MPRIP: variants seen among roughly 807,000 people sequenced by gnomAD.
MPRIP encodes the protein myosin phosphatase Rho-interacting protein.
Under a neutral mutation model 234.9 loss-of-function variants are expected in MPRIP, and 59 were observed. That is an observed-to-expected ratio of 0.25 (90% CI 0.20 to 0.31). The LOEUF (loss-of-function observed/expected upper bound fraction) is 0.31. Ranked by LOEUF, MPRIP falls within the 10% of genes least tolerant of loss-of-function variation. The probability of loss-of-function intolerance (pLI) is 1.00; values close to 1 mark genes in which losing one functional copy is unlikely to be tolerated. For missense variants in MPRIP, 2,436 were observed against 3,071.0 expected, an observed-to-expected ratio of 0.79 and a Z score of 4.89; for synonymous variants, 1,144 against 1,263.9, an observed-to-expected ratio of 0.91 and a Z score of 2.01.
Position 17,164,536 on chromosome 17 carries a change from T to C in MPRIP, c.2945T>C (p.Leu982Pro). ...ELRGLETQQA[L>P]QRDRQKEVQR... ...CGGGGCCTGGAGACACAGCAGGCGCTGCAGCGGGACCGGCAGAAGGAGGTC... is the reference window on the plus strand; with the variant it reads ...CGGGGCCTGGAGACACAGCAGGCGCCGCAGCGGGACCGGCAGAAGGAGGTC... The change falls in exon 16 of 24, where the codon CTG becomes CCG. Residue 982 changes from leucine (L) to proline (P), a missense_variant. By Grantham distance (98) the Leu-to-Pro change is moderately conservative. Transcript: ENST00000651222. 1.7e-6 allele frequency: 2 copies of C among 1,209,014 alleles called. No individual in the cohort carries two copies. Among genetic ancestry groups the C allele is most frequent in the Non-Finnish European group, 2.1e-6 (2 of 947,112 alleles). The allele number at this position is 1,209,014 out of a possible 1,614,324, so 74.9% of individuals were successfully genotyped here.
chr17:17,150,919 C>G (rs1261656306), intron 12 of MPRIP, among the ~76,000 whole-genome samples: 1 of 151,952 alleles, frequency 6.6e-6, no homozygotes, highest in Non-Finnish European at 1.5e-5. Context: ...AATCATGGCT[C>G]ACTGCAGGCT....
chr17:17,141,035 C>T (rs1397385563), intron 7 of MPRIP, among the ~76,000 whole-genome samples: 2 of 152,276 alleles, frequency 1.3e-5, no homozygotes, highest in East Asian at 3.9e-4. Flanking sequence ...CAGGATCTCC[C>T]CAGGCCCCCA....
chr17:17,185,544 T>G lies in MPRIP; in HGVS notation c.*650T>G. On this transcript the variant is annotated 3_prime_UTR_variant, in exon 24 of 24. Transcript: ENST00000651222. ...CATTCCTATTTTTGTTTGTTTTTTA[T>G]TAAATCTTGCACAAAATCCCCGGCC... The G allele has an allele frequency of 6.6e-6, 3 of 457,108 alleles. No homozygotes were observed. The highest frequency in any genetic ancestry group is 1.3e-5 in the Non-Finnish European group (3 of 227,108). The allele number at this position is 457,108 out of a possible 1,614,324, so 28.3% of individuals were successfully genotyped here.
At chr17:17,125,721 A>T (rs749320914) in intron 3 of MPRIP, among the ~76,000 whole-genome samples, 12 of 152,238 alleles carry the variant, frequency 7.9e-5, no homozygotes, top group Non-Finnish European at 1.5e-4. Flanking sequence ...TTGAGGCTGG[A>T]TGGCCTCTGG....
rs1567700021 is a variant in MPRIP at position 17,078,790 on chromosome 17, TTAATC to T, written c.267+718_267+722del. Among the ~76,000 whole-genome samples, 1 of 152,218 alleles carries T rather than the reference TTAATC, an allele frequency of 6.6e-6. No individual in the cohort carries two copies. Among genetic ancestry groups the T allele is most frequent in the Non-Finnish European group, 1.5e-5 (1 of 68,034 alleles). On this transcript the variant is annotated intron_variant, in intron 3 of 23. Coordinates refer to ENST00000651222, the MANE Select transcript of MPRIP (RefSeq NM_001364716.4). This position sits in a 1 kb window ranked among gnomAD's most constrained non-coding sequence, Gnocchi z 4.3. ...TCTAAAGGAGATTAGTCTCTCCTAA[TTAATC>T]TAAAGTAGGACTGCATTCCAAACTT...
chr17:17,070,061 A>G (rs1469028622), intron 1 of MPRIP, among the ~76,000 whole-genome samples: 1 of 152,192 alleles, frequency 6.6e-6, no homozygotes, highest in Admixed American at 6.5e-5. Flanking sequence ...TCAGCACCAG[A>G]AAAGTAGTGT....
intron 3 of MPRIP, among the ~76,000 whole-genome samples, chr17:17,124,539 G>A (rs1043411204): frequency 1.3e-5 from 2 of 152,194 alleles, no homozygotes; most frequent in African/African-American, 4.8e-5. Flanking sequence ...GACCAGAGAG[G>A]AAGGGCCACC....
chr17:17,166,119 A>C lies in MPRIP; in HGVS notation c.4528A>C (p.Ser1510Arg), dbSNP rs1188597096. 50 of 1,299,296 alleles carry C rather than the reference A, an allele frequency of 3.8e-5. No homozygotes were observed. Among genetic ancestry groups the C allele is most frequent in the Non-Finnish European group, 5.1e-5 (50 of 985,696 alleles). 80.5% of individuals were successfully genotyped at this position (1,299,296 alleles called of 1,614,324 possible). ...CGCAGCCTCCCTGGCCAGTGTGGAG[A>C]GTGCACTCGTCAGCGCCATCCAAGC... is the stretch of plus-strand genomic sequence containing the variant. The part of the protein sequence containing the change: ...ARAASLASVE[S>R]ALVSAIQALQ... The change falls in exon 16 of 24, where the codon AGT (serine) becomes CGT (arginine). Residue 1510 changes from serine to arginine, a missense_variant. Around this residue, in one of 4 missense-constraint regions of MPRIP, gnomAD observed 1,998 missense variants for 2,520.3 expected, o/e 0.79. Transcript: ENST00000651222. The surrounding 1 kb of genome is among the most constrained non-coding windows in gnomAD (Gnocchi z 4.4).
At chr17:17,045,996 G>A (rs943491867) in intron 1 of MPRIP, among the ~76,000 whole-genome samples, 3 of 152,046 alleles carry the variant, frequency 2.0e-5, no homozygotes, top group Non-Finnish European at 2.9e-5. Flanking sequence ...TAGTAGAGAC[G>A]AGGTTTCACT....
At chr17:17,116,003 G>T (rs1411328465) in intron 3 of MPRIP, among the ~76,000 whole-genome samples, 1 of 152,110 alleles carries the variant, frequency 6.6e-6, no homozygotes, top group African/African-American at 2.4e-5. Flanking sequence ...TGGTTAAAAT[G>T]ATGGTTTCTA....
At chr17:17,082,065 C>T (rs1032420719) in intron 3 of MPRIP, among the ~76,000 whole-genome samples, 3 of 151,984 alleles carry the variant, frequency 2.0e-5, no homozygotes, top group South Asian at 2.1e-4. Context: ...AAGTGCTGCC[C>T]ATGATTTTAC....
chr17:17,138,321 T>TACGG lies in MPRIP; in HGVS notation c.1142_1143insACGG (p.Ser382ArgfsTer17). On this transcript the variant is annotated frameshift_variant, in exon 7 of 24. Coordinates refer to ENST00000651222, the MANE Select transcript of MPRIP (RefSeq NM_001364716.4). LOFTEE classifies it high-confidence loss of function. This position sits in a 1 kb window ranked among gnomAD's most constrained non-coding sequence, Gnocchi z 5.8. ...GCCGACGTCCCTAAGGCCATCAGGATCAGCCACCGAGAAGCCTTCCAGGTG... is the reference window on the plus strand; with the variant it reads ...GCCGACGTCCCTAAGGCCATCAGGATACGGCAGCCACCGAGAAGCCTTCCAGGTG... 2.7e-6 allele frequency: 1 copy of TACGG among 368,240 alleles called. No homozygotes were observed. Among genetic ancestry groups the TACGG allele is most frequent in the Non-Finnish European group, 4.8e-6 (1 of 207,272 alleles). 22.8% of individuals were successfully genotyped at this position (368,240 alleles called of 1,614,324 possible). A position where few individuals can be genotyped will look rare whatever the true frequency, so the allele number is the denominator to read the frequency against.
At chr17:17,175,507 G>A (rs1198268802) in intron 20 of MPRIP, 95 bp downstream of exon 20, 27 of 1,402,774 alleles carry the variant, frequency 1.9e-5, no homozygotes, top group Non-Finnish European at 2.4e-5. Context: ...GTTGTGGGAG[G>A]AACAGACCTG....
At chr17:17,140,912 G>A (rs1460605700) in intron 7 of MPRIP, among the ~76,000 whole-genome samples, 1 of 152,154 alleles carries the variant, frequency 6.6e-6, no homozygotes, top group Non-Finnish European at 1.5e-5. Flanking sequence ...CCCGTTTTCT[G>A]TGCTGACCAG....
chr17:17,148,022 G>A (rs1027118523), intron 11 of MPRIP, among the ~76,000 whole-genome samples: 8 of 152,180 alleles, frequency 5.3e-5, no homozygotes, highest in Admixed American at 1.3e-4. Context: ...GTGGAAAAAC[G>A]TCTGTTTCAG....
chr17:17,079,005 G>T (rs867286368), intron 3 of MPRIP, among the ~76,000 whole-genome samples: 5 of 152,140 alleles, frequency 3.3e-5, no homozygotes, highest in Non-Finnish European at 5.9e-5. Flanking sequence ...GCAGGGGCGA[G>T]ACAGACTCTG....
At chr17:17,061,532 G>A (rs1000738616) in intron 1 of MPRIP, among the ~76,000 whole-genome samples, 2 of 152,196 alleles carry the variant, frequency 1.3e-5, no homozygotes, top group Admixed American at 1.3e-4. Context: ...CTCCAGTGAG[G>A]GGCCATCTGT....
chr17:17,045,567 A>G (rs919217468), intron 1 of MPRIP, among the ~76,000 whole-genome samples: 1 of 152,210 alleles, frequency 6.6e-6, no homozygotes, highest in African/African-American at 2.4e-5. Context: ...TGGCCACACC[A>G]TGAGCACATG....
rs546924113 is a variant in MPRIP at position 17,071,846 on chromosome 17, T to C, written c.124-3864T>C. On this transcript the variant is annotated intron_variant, in intron 1 of 23. Coordinates refer to ENST00000651222, the MANE Select transcript of MPRIP (RefSeq NM_001364716.4). ...TGCTTGAAACAGGACTCGGGCCCCATCCTTTGGGTCCTTACAGCCCAGCTC... is the reference window on the plus strand; with the variant it reads ...TGCTTGAAACAGGACTCGGGCCCCACCCTTTGGGTCCTTACAGCCCAGCTC... Among the ~76,000 whole-genome samples the C allele has an allele frequency of 2.0e-3, 298 of 152,206 alleles. 1 individual carries two copies. The highest frequency in any genetic ancestry group is 6.8e-3 in the African/African-American group (282 of 41,518).
Sources: gnomAD v4.1 joint callset for allele counts (sites outside exome capture counted in the v4.1 genomes callset) on GRCh38, gnomAD v4.1.1 for gene constraint, gnomAD v4.1.1 regional missense constraint, Gnocchi (gnomAD v3.1) non-coding constraint, MANE v1.5 for transcripts, NCBI Gene and HGNC (gene_info 2026-07-23, HGNC 2026-07-21) for gene names.